Variants in ARHGAP45 observed in about 807,000 individuals in gnomAD.
ARHGAP45 encodes rho GTPase-activating protein 45.
In ARHGAP45, 56 loss-of-function variants were observed where a neutral mutation model predicts 116.1. The ratio of observed to expected loss-of-function variants is 0.48; its 90% CI spans 0.39 to 0.60. ARHGAP45 has a LOEUF of 0.60. Ranked by LOEUF, ARHGAP45 falls within the 20% of genes least tolerant of loss-of-function variation. The pLI, the probability that ARHGAP45 is intolerant of heterozygous loss-of-function variation, is 0.00. For missense variants in ARHGAP45, 1,622 were observed against 1,601.0 expected (o/e 1.01, Z -0.22); for synonymous variants, 866 against 701.7 (o/e 1.23, Z -3.70).
chr19:1,082,836 G>A lies in ARHGAP45; in HGVS notation c.2518-4G>A, dbSNP rs113986255. 452 of 1,489,674 alleles carry A rather than the reference G, an allele frequency of 3.0e-4. 2 individuals carry two copies. The African/African-American group carries it at 5.3e-3, about 17-fold the overall frequency. 92.3% of individuals were successfully genotyped at this position (1,489,674 alleles called of 1,614,324 possible). A position where few individuals can be genotyped will look rare whatever the true frequency, so the allele number is the denominator to read the frequency against. On this transcript the variant is annotated splice_polypyrimidine_tract_variant and splice_region_variant and intron_variant, in intron 19 of 22. Coordinates refer to ENST00000313093, the MANE Select transcript of ARHGAP45 (RefSeq NM_012292.5). The stretch of plus-strand genomic sequence containing the variant: ...AACACCTGCTGACCCTTGACTCTGC[G>A]CAGCTTCCCGAGCCGCTCATCTCCT...
chr19:1,076,167 G>A (rs531484906), intron 10 of ARHGAP45, among the ~76,000 whole-genome samples: 1 of 152,274 alleles, frequency 6.6e-6, no homozygotes, highest in African/African-American at 2.4e-5. Context: ...ATGCCTGAGG[G>A]ATCAGTGCCC....
chr19:1,081,140 C>T (rs1168987644), intron 17 of ARHGAP45, 76 bp downstream of exon 17: 5 of 1,465,100 alleles, frequency 3.4e-6, no homozygotes, highest in Non-Finnish European at 4.6e-6. Flanking sequence ...GGCCTGTGTG[C>T]CCTCAGGAAT....
Position 1,080,566 on chromosome 19 carries a change from C to A in ARHGAP45, c.1912+19C>A, listed in dbSNP as rs751997933. On this transcript the variant is annotated intron_variant, in intron 15 of 22. Transcript: ENST00000313093. ...GGCGCAGGTGAGGGAGGCTCTCTGG[C>A]GGGCTGGGGTGTGGAGCTGCCTCCT... 1 of 1,611,380 alleles carries A rather than the reference C, an allele frequency of 6.2e-7. No homozygotes were observed. Among genetic ancestry groups the A allele is most frequent in the South Asian group, 1.1e-5 (1 of 91,056 alleles).
In ARHGAP45 at chr19:1,081,000, G is replaced by A. The variant is rs763284554; in HGVS notation, c.2126G>A (p.Arg709His). The A allele has an allele frequency of 6.2e-7, 1 of 1,607,760 alleles. No homozygotes were observed. Among genetic ancestry groups the A allele is most frequent in the South Asian group, 1.1e-5 (1 of 90,278 alleles). The stretch of plus-strand genomic sequence containing the variant: ...CGTACTCACCGGCTCCGGAAGCTCC[G>A]CACGCCCGCCAAGTGCCGCGAGTGC... ...AARTHRLRKLRTPAKCRECNS... is the reference protein window; with the variant it reads ...AARTHRLRKLHTPAKCRECNS... The change falls in exon 17 of 23, where the codon CGC becomes CAC. Residue 709 changes from arginine to histidine, a missense_variant. Physicochemically the swap from Arg to His is conservative, Grantham distance 29. Around this residue, in one of 3 missense-constraint regions of ARHGAP45, gnomAD observed 1,334 missense variants for 1,263.8 expected, o/e 1.06. Coordinates refer to ENST00000313093, the MANE Select transcript of ARHGAP45 (RefSeq NM_012292.5).
intron 5 of ARHGAP45, 72 bp downstream of exon 5, chr19:1,073,818 A>G (rs2145029859): frequency 6.5e-7 from 1 of 1,536,236 alleles, no homozygotes; most frequent in Admixed American, 2.0e-5. Flanking sequence ...TGCAGGGCCC[A>G]GACAGTCACC....
rs201044030 is a variant in ARHGAP45, at chr19:1,080,237, C to T, written c.1704-18C>T. On this transcript the variant is annotated intron_variant, in intron 13 of 22. Transcript: ENST00000313093. ...GCCCCCCATCACCTCCCCTCCTTTTCCCGGTTTCTTCCACTAGGTCCCCCG... is the reference window on the plus strand; with the variant it reads ...GCCCCCCATCACCTCCCCTCCTTTTTCCGGTTTCTTCCACTAGGTCCCCCG... 1,724 of 1,612,124 alleles carry T rather than the reference C, an allele frequency of 1.1e-3. 18 individuals are homozygous for T. The African/African-American group carries it at 0.02, about 19-fold the overall frequency.
intron 22 of ARHGAP45, 41 bp downstream of exon 22, chr19:1,084,387 C>A: frequency 1.3e-6 from 2 of 1,502,158 alleles, no homozygotes; most frequent in Non-Finnish European, 1.8e-6. Context: ...GGGAGGCTGG[C>A]GTGTGCCACC....
Position 1,073,412 on chromosome 19 carries a change from T to C in ARHGAP45, c.566-94T>C, listed in dbSNP as rs961114189. On this transcript the variant is annotated intron_variant, in intron 3 of 22. Coordinates refer to ENST00000313093, the MANE Select transcript of ARHGAP45 (RefSeq NM_012292.5). ...AGTTTGACAGGCACAAGCTCCCTCC[T>C]GTTCCCCCTGGGTTAAGGGCTCCGG... 10 of 1,556,896 alleles carry C rather than the reference T, an allele frequency of 6.4e-6. No individual in the cohort carries two copies. The African/African-American group carries it at 1.4e-4, about 21-fold the overall frequency.
rs1265036252 is a variant in ARHGAP45, at chr19:1,086,403, A to G, written c.*397A>G. ...CTCTCCTCACAGGTCTGTTGCAGGG[A>G]CTCCAGAAACCATTCTGGGAGCCGT... On this transcript the variant is annotated 3_prime_UTR_variant, in exon 23 of 23. Transcript: ENST00000313093. The G allele has an allele frequency of 1.1e-5, 2 of 184,570 alleles. No homozygotes were observed. Among genetic ancestry groups the G allele is most frequent in the East Asian group, 2.9e-4 (2 of 6,806 alleles). The allele number at this position is 184,570 out of a possible 1,614,324, so 11.4% of individuals were successfully genotyped here.
In ARHGAP45 at chr19:1,084,274, C is replaced by T; in HGVS notation, c.2992C>T (p.Gln998Ter). Residue 998 changes from glutamine (Q) to a stop codon, truncating the protein, a stop_gained, in exon 22 of 23, where the codon CAG becomes TAG. Coordinates refer to ENST00000313093, the MANE Select transcript of ARHGAP45 (RefSeq NM_012292.5). LOFTEE classifies it high-confidence loss of function. ...SSNQRAEVVV[Q>*]VPYLEAGEAV... Reference sequence around the variant, plus strand: ...CAACCAGCGAGCTGAGGTAGTCGTCCAGGTGCCGTACCTGGAGGCGGGCGA... The same window carrying T: ...CAACCAGCGAGCTGAGGTAGTCGTCTAGGTGCCGTACCTGGAGGCGGGCGA... The T allele has an allele frequency of 7.4e-6, 12 of 1,613,348 alleles. No individual in the cohort carries two copies. Among genetic ancestry groups the T allele is most frequent in the South Asian group, 1.1e-5 (1 of 91,054 alleles).
At position 1,082,924 on chromosome 19, in the gene ARHGAP45, A is replaced by G; in HGVS notation, c.2602A>G (p.Lys868Glu). 6.3e-7 allele frequency: 1 copy of G among 1,592,356 alleles called. No homozygotes were observed. Among genetic ancestry groups the G allele is most frequent in the Non-Finnish European group, 8.5e-7 (1 of 1,171,556 alleles). Residue 868 changes from lysine (K) to glutamate (E), a missense_variant, in exon 20 of 23, where the codon AAG becomes GAG. By Grantham distance (56) the Lys-to-Glu change is moderately conservative. Around this residue, in one of 3 missense-constraint regions of ARHGAP45, gnomAD observed 1,334 missense variants for 1,263.8 expected, o/e 1.06. Transcript: ENST00000313093. ...KDSLKAEAEA[K>E]AASRGRQDGS... ...CAGCCTGAAGGCAGAGGCCGAGGCC[A>G]AGGCGGCGTCCCGGGGCCGGCAGGA... is the stretch of plus-strand genomic sequence containing the variant.
chr19:1,083,437 A>G, intron 21 of ARHGAP45, 84 bp downstream of exon 21: 1 of 1,227,596 alleles, frequency 8.1e-7, no homozygotes, highest in Non-Finnish European at 1.1e-6. Context: ...TGTCGGATGA[A>G]GCCCAAGGAA....
rs773951944 is a variant in ARHGAP45 at position 1,085,968 on chromosome 19, C to G, written c.3373C>G (p.Leu1125Val). Residue 1125 changes from leucine (L) to valine (V), a missense_variant, in exon 23 of 23, where the codon CTG (leucine) becomes GTG (valine). By Grantham distance (32) the Leu-to-Val change is conservative. Transcript: ENST00000313093. ...GAGGCTCCGTGGCGGGCGGATGACA[C>G]TGGGCTCCTGCAGGGAAAGGCAGCC... ...PMRLRGGRMT[L>V]GSCRERQPEF... 9.9e-6 allele frequency: 16 copies of G among 1,612,676 alleles called. No homozygotes were observed. In the Middle Eastern group the frequency reaches 6.6e-4, roughly 66 times the overall value.
rs774599922 is a variant in ARHGAP45 at position 1,081,008 on chromosome 19, G to A, written c.2134G>A (p.Ala712Thr). The A allele has an allele frequency of 6.2e-7, 1 of 1,608,042 alleles. No individual in the cohort carries two copies. Among genetic ancestry groups the A allele is most frequent in the Non-Finnish European group, 8.5e-7 (1 of 1,178,160 alleles). Residue 712 changes from alanine to threonine, a missense_variant, in exon 17 of 23, where the codon GCC becomes ACC. By Grantham distance (58) the Ala-to-Thr change is moderately conservative (BLOSUM62 0). Around this residue, in one of 3 missense-constraint regions of ARHGAP45, gnomAD observed 1,334 missense variants for 1,263.8 expected, o/e 1.06. Coordinates refer to ENST00000313093, the MANE Select transcript of ARHGAP45 (RefSeq NM_012292.5). Reference sequence around the variant, plus strand: ...CCGGCTCCGGAAGCTCCGCACGCCCGCCAAGTGCCGCGAGTGCAACAGCTA... The same window carrying A: ...CCGGCTCCGGAAGCTCCGCACGCCCACCAAGTGCCGCGAGTGCAACAGCTA... ...THRLRKLRTP[A>T]KCRECNSYVY...
At chr19:1,082,419 G>A (rs2043467660) in intron 19 of ARHGAP45, 1 of 310,944 alleles carries the variant, frequency 3.2e-6, no homozygotes, top group East Asian at 7.1e-5. Context: ...GGCTTGGTGG[G>A]GCGAGGCTGG....
At chr19:1,077,099 C>T (rs2043267884) in intron 10 of ARHGAP45, 1 of 985,246 alleles carries the variant, frequency 1.0e-6, no homozygotes, top group Non-Finnish European at 1.2e-6. Context: ...AGGTGTGGCC[C>T]CCGAGCCCAC....
rs780689851 is a variant in ARHGAP45, at chr19:1,073,477, ACCT to A, written c.566-25_566-23del. 3.1e-6 allele frequency: 5 copies of A among 1,608,264 alleles called. No individual in the cohort carries two copies. The South Asian group carries it at 5.5e-5, about 18-fold the overall frequency. On this transcript the variant is annotated intron_variant, in intron 3 of 22. Transcript: ENST00000313093. ...GATGGTCACCTCCCAGAGTGGGCCC[ACCT>A]CCTTGTCCTTATCTCTGCTTCCCAG...
intron 11 of ARHGAP45, among the ~76,000 whole-genome samples, chr19:1,078,863 T>G (rs1355106887): frequency 6.6e-6 from 1 of 150,450 alleles, no homozygotes; most frequent in Non-Finnish European, 1.5e-5. Flanking sequence ...ACCACAGGCG[T>G]GTGCCGCCAC....
rs1354857234 is a variant in ARHGAP45 at position 1,069,253 on chromosome 19, G to T, written c.421+509G>T. ...GAGGCATGGCGAGGGGCAGGATGGG[G>T]TCATCAGGCGGCGGAGGTGCTGGGA... On this transcript the variant is annotated intron_variant, in intron 2 of 22. Coordinates refer to ENST00000313093, the MANE Select transcript of ARHGAP45 (RefSeq NM_012292.5). The surrounding 1 kb of genome is among the most constrained non-coding windows in gnomAD (Gnocchi z 4.1). Among the ~76,000 whole-genome samples the T allele has an allele frequency of 1.3e-5, 2 of 152,176 alleles. No homozygotes were observed. The highest frequency in any genetic ancestry group is 2.9e-5 in the Non-Finnish European group (2 of 68,016).
Sources: allele counts gnomAD v4.1 joint callset (sites outside exome capture counted in the v4.1 genomes callset), GRCh38; gene constraint gnomAD v4.1.1; regional missense constraint gnomAD v4.1.1; non-coding constraint Gnocchi (gnomAD v3.1); transcripts MANE v1.5; gene names NCBI Gene and HGNC (gene_info 2026-07-23, HGNC 2026-07-21).